WASF3: variants seen among roughly 807,000 people sequenced by gnomAD.
The protein encoded by WASF3 is actin-binding protein WASF3.
In WASF3, 11 loss-of-function variants were observed where a neutral mutation model predicts 46.6. The ratio of observed to expected loss-of-function variants is 0.24; its 90% CI spans 0.15 to 0.39. The LOEUF is 0.39. WASF3 is among the 10% of genes least tolerant of loss of function. The pLI, the probability that WASF3 is intolerant of heterozygous loss-of-function variation, is 1.00. For missense variants in WASF3, 576 were observed against 669.8 expected (o/e 0.86, Z 1.55); for synonymous variants, 242 against 259.7 (o/e 0.93, Z 0.65).
At chr13:26,540,439 A>G in the WASF3 span, among the ~76,000 whole-genome samples, 4 of 152,138 alleles carry the variant, frequency 2.6e-5, no homozygotes, top group Non-Finnish European at 5.9e-5. Flanking sequence ...GGCAACCTCG[A>G]GCATTGGCCT....
the WASF3 span, among the ~76,000 whole-genome samples, chr13:26,550,682 C>T: frequency 2.6e-3 from 400 of 152,252 alleles, 3 homozygotes; most frequent in African/African-American, 9.4e-3. Flanking sequence ...CTAATTAAGG[C>T]CTGTGCATAT....
At chr13:26,582,188 CTA>C (rs1350307677) in intron 1 of WASF3, among the ~76,000 whole-genome samples, 2 of 152,154 alleles carry the variant, frequency 1.3e-5, no homozygotes, top group African/African-American at 2.4e-5. Flanking sequence ...TGGTTCCTGA[CTA>C]TACCTACACC....
intron 3 of WASF3, among the ~76,000 whole-genome samples, chr13:26,656,626 T>A (rs769009717): frequency 2.6e-5 from 4 of 151,906 alleles, no homozygotes; most frequent in Admixed American, 6.6e-5. Flanking sequence ...AAAAAAAGTC[T>A]TATCATTCTA....
At chr13:26,626,557 A>G (rs1881468389) in intron 2 of WASF3, among the ~76,000 whole-genome samples, 1 of 152,234 alleles carries the variant, frequency 6.6e-6, no homozygotes, top group Non-Finnish European at 1.5e-5. Flanking sequence ...CATTGAATGT[A>G]AATGATCTAA....
intron 1 of WASF3, among the ~76,000 whole-genome samples, chr13:26,591,829 G>C (rs1164408237): frequency 6.6e-6 from 1 of 152,068 alleles, no homozygotes. Flanking sequence ...CTGAGTTGTA[G>C]GTTCTTGAGG....
chr13:26,664,755 G>A (rs1310390424), intron 3 of WASF3, among the ~76,000 whole-genome samples: 2 of 152,204 alleles, frequency 1.3e-5, no homozygotes, highest in African/African-American at 4.8e-5. Context: ...GCAGTTAGTG[G>A]GAAGCAACTT....
intron 3 of WASF3, among the ~76,000 whole-genome samples, chr13:26,653,455 T>A (rs1882375271): frequency 1.3e-5 from 2 of 152,200 alleles, no homozygotes; most frequent in Admixed American, 1.3e-4. Flanking sequence ...TTCATCACAC[T>A]CAACGCTTTT....
At chr13:26,581,694 A>G (rs1020084227) in intron 1 of WASF3, among the ~76,000 whole-genome samples, 5 of 152,220 alleles carry the variant, frequency 3.3e-5, no homozygotes, top group Admixed American at 2.0e-4. Flanking sequence ...GTGGAAAGCT[A>G]TCAGAGTCTC....
At chr13:26,559,715 A>G (rs1486100464) in intron 1 of WASF3, among the ~76,000 whole-genome samples, 5 of 151,738 alleles carry the variant, frequency 3.3e-5, no homozygotes, top group Non-Finnish European at 1.5e-5. Context: ...CTTTCTTTGA[A>G]GAGTACTCCC....
At chr13:26,580,825 A>G (rs1421660562) in intron 1 of WASF3, among the ~76,000 whole-genome samples, 3 of 150,866 alleles carry the variant, frequency 2.0e-5, no homozygotes, top group Non-Finnish European at 4.4e-5. Context: ...GAGTTTCTCC[A>G]TGTTGGTCAG....
chr13:26,615,270 T>C (rs1881096428), intron 2 of WASF3, among the ~76,000 whole-genome samples: 1 of 152,206 alleles, frequency 6.6e-6, no homozygotes, highest in Non-Finnish European at 1.5e-5. Flanking sequence ...CATACTCAGA[T>C]TATCTGTTGC....
intron 3 of WASF3, among the ~76,000 whole-genome samples, chr13:26,649,238 C>G (rs764117720): frequency 6.6e-6 from 1 of 151,998 alleles, no homozygotes; most frequent in Non-Finnish European, 1.5e-5. Context: ...TATTCTTTTA[C>G]GTACGTTGTC....
chr13:26,676,189 A>G (rs553325112), intron 6 of WASF3, among the ~76,000 whole-genome samples: 1 of 152,296 alleles, frequency 6.6e-6, no homozygotes, highest in East Asian at 1.9e-4. Context: ...GCGGGAAATA[A>G]TTTCTCTTTA....
chr13:26,624,980 G>A (rs1382889492), intron 2 of WASF3, among the ~76,000 whole-genome samples: 1 of 152,258 alleles, frequency 6.6e-6, no homozygotes, highest in South Asian at 2.1e-4. Flanking sequence ...GATCTGCACT[G>A]TAAGAAATGA....
intron 1 of WASF3, chr13:26,577,013 A>G (rs1351363951): frequency 1.1e-5 from 8 of 714,364 alleles, no homozygotes; most frequent in Non-Finnish European, 1.3e-5. Context: ...AATATAAGGA[A>G]TATTGGAAAG....
At chr13:26,569,325 G>C (rs1879564739) in intron 1 of WASF3, among the ~76,000 whole-genome samples, 1 of 152,176 alleles carries the variant, frequency 6.6e-6, no homozygotes, top group South Asian at 2.1e-4. Flanking sequence ...AGACTGGACA[G>C]TATCTATCAG....
At chr13:26,612,442 G>A (rs1211309460) in intron 1 of WASF3, among the ~76,000 whole-genome samples, 2 of 152,326 alleles carry the variant, frequency 1.3e-5, no homozygotes, top group South Asian at 2.1e-4. Context: ...CTTCTAGGGC[G>A]TATTTGGCAG....
At chr13:26,602,870 C>T (rs533296307) in intron 1 of WASF3, among the ~76,000 whole-genome samples, 1 of 152,230 alleles carries the variant, frequency 6.6e-6, no homozygotes, top group Non-Finnish European at 1.5e-5. Context: ...GCACTTATGT[C>T]ATGATTTTCA....
At chr13:26,623,537 A>G (rs922235405) in intron 2 of WASF3, among the ~76,000 whole-genome samples, 4 of 152,198 alleles carry the variant, frequency 2.6e-5, no homozygotes, top group Non-Finnish European at 4.4e-5. Context: ...TTAGGCTCAT[A>G]ATCTTTCACT....
Sources: gnomAD v4.1 joint callset for allele counts (sites outside exome capture counted in the v4.1 genomes callset) on GRCh38, gnomAD v4.1.1 for gene constraint, MANE v1.5 for transcripts, NCBI Gene and HGNC (gene_info 2026-07-23, HGNC 2026-07-21) for gene names.